Variants in DDX42 observed in about 807,000 individuals in gnomAD.
DDX42 encodes DEAD-box helicase 42, also known as ATP-dependent RNA helicase DDX42.
Under a neutral mutation model 101.5 loss-of-function variants are expected in DDX42, and 22 were observed. That is an observed-to-expected ratio of 0.22 (90% CI 0.15 to 0.31). DDX42 has a LOEUF of 0.31. Among genes scored for constraint, DDX42 ranks in the 10% least tolerant of loss-of-function variants. The pLI is 1.00. For missense variants in DDX42, 849 were observed against 1,199.9 expected (o/e 0.71, Z 4.32); for synonymous variants, 402 against 401.2 (o/e 1.00, Z -0.02).
intron 2 of DDX42, among the ~76,000 whole-genome samples, chr17:63,788,939 G>A (rs558578486): frequency 6.6e-6 from 1 of 152,150 alleles, no homozygotes; most frequent in South Asian, 2.1e-4. Context: ...CTGTCACCCA[G>A]GCTGGAGTGG....
intron 11 of DDX42, chr17:63,810,183 T>G: frequency 4.5e-6 from 1 of 220,974 alleles, no homozygotes; most frequent in Non-Finnish European, 8.8e-6. Flanking sequence ...CCTTCCAGTT[T>G]CAAGCGATTC....
intron 14 of DDX42, among the ~76,000 whole-genome samples, chr17:63,812,463 C>T (rs1367462134): frequency 6.6e-6 from 1 of 152,166 alleles, no homozygotes; most frequent in East Asian, 1.9e-4. Flanking sequence ...GGAAAAAAGG[C>T]AGTGAATGCC....
intron 6 of DDX42, among the ~76,000 whole-genome samples, chr17:63,803,743 G>T (rs896872129): frequency 6.6e-6 from 1 of 151,024 alleles, no homozygotes; most frequent in Non-Finnish European, 1.5e-5. Context: ...TCCTCCTCCC[G>T]GGTTCAAGAG....
chr17:63,775,365 C>G (rs2039407296), intron 1 of DDX42, among the ~76,000 whole-genome samples: 1 of 152,088 alleles, frequency 6.6e-6, no homozygotes, highest in Non-Finnish European at 1.5e-5. Flanking sequence ...GTGTTAGACC[C>G]CTGCCTTTGG....
At chr17:63,796,611 C>T (rs944556064) in intron 3 of DDX42, among the ~76,000 whole-genome samples, 13 of 152,232 alleles carry the variant, frequency 8.5e-5, no homozygotes, top group African/African-American at 1.7e-4. Context: ...CCACCGCACC[C>T]GGCCCAGATG....
rs1567742464 is a variant in DDX42 at position 63,807,603 on chromosome 17, AGGTATGT to A, written c.847-120_847-114del. 8.5e-6 allele frequency: 7 copies of A among 825,770 alleles called. No individual in the cohort carries two copies. In the South Asian group the frequency reaches 1.2e-4, roughly 14 times the overall value. The allele number at this position is 825,770 out of a possible 1,614,324, so 51.2% of individuals were successfully genotyped here. A position where few individuals can be genotyped will look rare whatever the true frequency, so the allele number is the denominator to read the frequency against. On this transcript the variant is annotated intron_variant, in intron 8 of 17. Transcript: ENST00000389924. ...TTTCACAACCAGTATGCATAGCACCAGGTATGTTTTGTTCCATTGCAAATAAAAATGT... is the reference window on the plus strand; with the variant it reads ...TTTCACAACCAGTATGCATAGCACCATTTGTTCCATTGCAAATAAAAATGT...
intron 1 of DDX42, among the ~76,000 whole-genome samples, chr17:63,786,823 A>G (rs939531786): frequency 6.6e-6 from 1 of 152,186 alleles, no homozygotes; most frequent in African/African-American, 2.4e-5. Flanking sequence ...GACCACAGGC[A>G]TGTGCCACCA....
At chr17:63,812,344 C>G in intron 14 of DDX42, 136 bp downstream of exon 14, 1 of 1,090,636 alleles carries the variant, frequency 9.2e-7, no homozygotes, top group Admixed American at 2.8e-5. Context: ...CCCAAACCCC[C>G]AAGGAAGCAG....
At chr17:63,776,865 C>T (rs572482444) in intron 1 of DDX42, among the ~76,000 whole-genome samples, 1 of 152,168 alleles carries the variant, frequency 6.6e-6, no homozygotes, top group African/African-American at 2.4e-5. Context: ...TTACACATAG[C>T]CTGTGCTACT....
intron 6 of DDX42, among the ~76,000 whole-genome samples, chr17:63,801,389 C>G (rs1054594577): frequency 2.6e-5 from 4 of 151,940 alleles, no homozygotes; most frequent in African/African-American, 9.7e-5. Flanking sequence ...AACGTTTTGG[C>G]CTGTGTTTAC....
chr17:63,790,284 G>A (rs1364661674), intron 2 of DDX42, among the ~76,000 whole-genome samples: 1 of 152,098 alleles, frequency 6.6e-6, no homozygotes, highest in Non-Finnish European at 1.5e-5. Flanking sequence ...TGCTACATTA[G>A]TATACATAAC....
At chr17:63,807,655 C>T in intron 8 of DDX42, 69 bp from the exon 9 acceptor site, 2 of 1,419,090 alleles carry the variant, frequency 1.4e-6, no homozygotes, top group Non-Finnish European at 1.9e-6. Flanking sequence ...TTTATCATTC[C>T]CCAGGATTTG....
chr17:63,810,384 C>T lies in DDX42; in HGVS notation c.1253-129C>T, dbSNP rs2039895407. ...AGGATTACAGGCATGAGCCACTGTG[C>T]CTGGCCTGGGGTTTCTAATTTTCTT... On this transcript the variant is annotated intron_variant, in intron 11 of 17. Coordinates refer to ENST00000389924, the MANE Select transcript of DDX42 (RefSeq NM_203499.3). 29 of 886,308 alleles carry T rather than the reference C, an allele frequency of 3.3e-5. No individual in the cohort carries two copies. In the East Asian group the frequency reaches 8.1e-4, roughly 25 times the overall value. The allele number at this position is 886,308 out of a possible 1,614,324, so 54.9% of individuals were successfully genotyped here.
At position 63,811,126 on chromosome 17, in the gene DDX42, G is replaced by C; in HGVS notation, c.1351G>C (p.Asp451His). 1 of 1,614,154 alleles carries C rather than the reference G, an allele frequency of 6.2e-7. No individual in the cohort carries two copies. Among genetic ancestry groups the C allele is most frequent in the Non-Finnish European group, 8.5e-7 (1 of 1,180,014 alleles). ...FRKKIEKLAR[D>H]ILIDPIRVVQ... ...GAAGAAGATTGAAAAGTTGGCCAGA[G>C]ACATCCTGATCGACCCTATTCGAGT... The change falls in exon 13 of 18, where the codon GAC becomes CAC. Residue 451 changes from aspartate to histidine, a missense_variant. By Grantham distance (81) the Asp-to-His change is moderately conservative. This residue lies in a region of DDX42 where 370 missense variants were observed against 608.8 expected (regional missense o/e 0.61). Coordinates refer to ENST00000389924, the MANE Select transcript of DDX42 (RefSeq NM_203499.3).
At chr17:63,805,267 C>A in intron 7 of DDX42, 92 bp downstream of exon 7, 1 of 1,452,904 alleles carries the variant, frequency 6.9e-7, no homozygotes, top group Non-Finnish European at 9.3e-7. Flanking sequence ...CCTTGAATTT[C>A]TTTTCTAATG....
chr17:63,818,496 GACCCCCT>G lies in DDX42; in HGVS notation c.*99_*105del. 1 of 1,124,780 alleles carries G rather than the reference GACCCCCT, an allele frequency of 8.9e-7. No homozygotes were observed. Among genetic ancestry groups the G allele is most frequent in the South Asian group, 1.6e-5 (1 of 64,204 alleles). The allele number at this position is 1,124,780 out of a possible 1,614,324, so 69.7% of individuals were successfully genotyped here. A position where few individuals can be genotyped will look rare whatever the true frequency, so the allele number is the denominator to read the frequency against. ...GCTGGGTTGGGGTCCAAAGTGTAAG[GACCCCCT>G]GCCCTTAGTGGAGAGCTGGAGCTTG... On this transcript the variant is annotated 3_prime_UTR_variant, in exon 18 of 18. Transcript: ENST00000389924.
Position 63,817,788 on chromosome 17 carries a change from G to A in DDX42, c.2207G>A (p.Ser736Asn), listed in dbSNP as rs372223315. ...GCAAGTGGGTGGACTAGTGCAGGGA[G>A]CTTGAATTCTGTTCCAACTAACTCA... ...AGASGWTSAG[S>N]LNSVPTNSAQ... The change falls in exon 18 of 18, where the codon AGC becomes AAC. Residue 736 changes from serine to asparagine, a missense_variant. Coordinates refer to ENST00000389924, the MANE Select transcript of DDX42 (RefSeq NM_203499.3). The A allele has an allele frequency of 2.5e-6, 4 of 1,614,104 alleles. No individual in the cohort carries two copies. The African/African-American group carries it at 4.0e-5, about 16-fold the overall frequency.
intron 2 of DDX42, among the ~76,000 whole-genome samples, chr17:63,789,553 GTTTTTGTTTTTGTTTTTGTTTT>G (rs2039596189): frequency 1.0e-4 from 3 of 28,642 alleles, no homozygotes; most frequent in Middle Eastern, 0.022. Flanking sequence ...AGACTTTTTT[GTTTTTGTTTTTGTTTTTGTTTT>G]TTTTTTTTTT....
intron 17 of DDX42, 118 bp from the exon 18 acceptor site, chr17:63,817,576 A>T: frequency 1.0e-6 from 1 of 995,926 alleles, no homozygotes; most frequent in Non-Finnish European, 1.5e-6. Context: ...TCAGGACACT[A>T]AACTCACAGT....
Sources: allele counts gnomAD v4.1 joint callset (sites outside exome capture counted in the v4.1 genomes callset), GRCh38; gene constraint gnomAD v4.1.1; regional missense constraint gnomAD v4.1.1; transcripts MANE v1.5; gene names NCBI Gene and HGNC (gene_info 2026-07-23, HGNC 2026-07-21).